RNF213: variants seen among roughly 807,000 people sequenced by gnomAD.
RNF213 encodes ring finger protein 213, also known as E3 ubiquitin-protein ligase RNF213.
Under a neutral mutation model 514.4 loss-of-function variants are expected in RNF213, and 341 were observed. The observed-to-expected ratio is 0.66, with a 90% CI of 0.61 to 0.73. The LOEUF (loss-of-function observed/expected upper bound fraction) is 0.73, where lower values mean the gene tolerates loss of function less well. Among genes scored for constraint, RNF213 ranks in the 30% least tolerant of loss-of-function variants. The probability of loss-of-function intolerance (pLI) is 0.00; values close to 1 mark genes in which losing one functional copy is unlikely to be tolerated. For synonymous variants in RNF213, 2,655 were observed against 2,658.2 expected, an observed-to-expected ratio of 1.00 and a Z score of 0.04; for missense variants, 5,767 against 6,615.6, an observed-to-expected ratio of 0.87 and a Z score of 4.45.
At chr17:80,282,279 G>T (rs1332473611) in intron 3 of RNF213, among the ~76,000 whole-genome samples, 1 of 152,158 alleles carries the variant, frequency 6.6e-6, no homozygotes, top group Non-Finnish European at 1.5e-5. Context: ...TGTTATTGTT[G>T]TCTCGTTATT....
At chr17:80,262,949 C>G (rs1490680692) in intron 1 of RNF213, among the ~76,000 whole-genome samples, 1 of 152,174 alleles carries the variant, frequency 6.6e-6, no homozygotes, top group Non-Finnish European at 1.5e-5. Flanking sequence ...GGTGGGTGGG[C>G]CAGTGTGCCC....
chr17:80,344,603 G>A lies in RNF213; in HGVS notation c.6343-75G>A, dbSNP rs577907317. ...TAAAGGTCCATCCAATATAGATAAC[G>A]TGGAGGGTTAAGACACAAAAGCATT... is the stretch of plus-strand genomic sequence containing the variant. On this transcript the variant is annotated intron_variant, in intron 28 of 67. Coordinates refer to ENST00000582970, the MANE Select transcript of RNF213 (RefSeq NM_001256071.3). 36 of 1,517,998 alleles carry A rather than the reference G, an allele frequency of 2.4e-5. No individual in the cohort carries two copies. The East Asian group carries it at 6.3e-4, about 27-fold the overall frequency. The allele number at this position is 1,517,998 out of a possible 1,614,324, so 94.0% of individuals were successfully genotyped here.
Position 80,396,729 on chromosome 17 carries a change from C to CG in RNF213, c.*3231_*3232insG, listed in dbSNP as rs1568183090. The CG allele has an allele frequency of 3.6e-5, 1 of 27,508 alleles. No homozygotes were observed. Among genetic ancestry groups the CG allele is most frequent in the Non-Finnish European group, 8.3e-5 (1 of 12,046 alleles). The allele number at this position is 27,508 out of a possible 1,614,324, so 1.7% of individuals were successfully genotyped here. A position where few individuals can be genotyped will look rare whatever the true frequency, so the allele number is the denominator to read the frequency against. ...ACAAGCGCCAGGAAAGTGCATTTCCCCCCCACCCCCCCCCCCCAACCAGAG... is the reference window on the plus strand; with the variant it reads ...ACAAGCGCCAGGAAAGTGCATTTCCCGCCCCACCCCCCCCCCCCAACCAGAG... On this transcript the variant is annotated 3_prime_UTR_variant, in exon 68 of 68. Coordinates refer to ENST00000582970, the MANE Select transcript of RNF213 (RefSeq NM_001256071.3).
rs60373273 is a variant in RNF213 at position 80,307,858 on chromosome 17, T to G, written c.2501+657T>G. Among the ~76,000 whole-genome samples the G allele has an allele frequency of 6.5e-4, 48 of 74,230 alleles. 1 individual carries two copies. The highest frequency in any genetic ancestry group is 9.7e-4 in the African/African-American group (10 of 10,344). 48.7% of individuals were successfully genotyped at this position (74,230 alleles called of 152,430 possible). On this transcript the variant is annotated intron_variant, in intron 13 of 67. Transcript: ENST00000582970. ...AGCCACCATGCCTGGCCGTCTGTTT[T>G]TTTTTTTTTTTTTTTTTTAAAGGGA... is the stretch of plus-strand genomic sequence containing the variant.
intron 3 of RNF213, among the ~76,000 whole-genome samples, chr17:80,281,491 TACAC>T (rs1568006479): frequency 1.3e-4 from 2 of 15,474 alleles, no homozygotes; most frequent in Non-Finnish European, 1.3e-4. Flanking sequence ...CCAACATACA[TACAC>T]CCCACTCACA....
rs2079792335 is a variant in RNF213 at position 80,377,112 on chromosome 17, G to A, written c.13510+149G>A. 8 of 681,518 alleles carry A rather than the reference G, an allele frequency of 1.2e-5. No individual in the cohort carries two copies. The highest frequency in any genetic ancestry group is 8.4e-5 in the Admixed American group (4 of 47,810). 42.2% of individuals were successfully genotyped at this position (681,518 alleles called of 1,614,324 possible). On this transcript the variant is annotated intron_variant, in intron 53 of 67. Coordinates refer to ENST00000582970, the MANE Select transcript of RNF213 (RefSeq NM_001256071.3). The surrounding 1 kb of genome is among the most constrained non-coding windows in gnomAD (Gnocchi z 4.1). Reference sequence around the variant, plus strand: ...CATTCTACCGGTGGCGTCTGCAGAAGACGAATGGCTTGAAGGAGCTGGCAC... The same window carrying A: ...CATTCTACCGGTGGCGTCTGCAGAAAACGAATGGCTTGAAGGAGCTGGCAC...
chr17:80,374,680 T>C, intron 50 of RNF213, 91 bp downstream of exon 50: 1 of 1,478,386 alleles, frequency 6.8e-7, no homozygotes, highest in Non-Finnish European at 9.3e-7. Context: ...TGCAGGGTGA[T>C]GGACCACTGA....
At position 80,385,207 on chromosome 17, in the gene RNF213, G is replaced by C. The variant is rs75053281; in HGVS notation, c.14455+36G>C. Reference sequence around the variant, plus strand: ...GCTCTGACAGGACCAGGACTGTCCCGCATTTGGCGGTTCGAAAGGATCACT... The same window carrying C: ...GCTCTGACAGGACCAGGACTGTCCCCCATTTGGCGGTTCGAAAGGATCACT... On this transcript the variant is annotated intron_variant, in intron 60 of 67. Coordinates refer to ENST00000582970, the MANE Select transcript of RNF213 (RefSeq NM_001256071.3). 4,799 of 1,613,282 alleles carry C rather than the reference G, an allele frequency of 3.0e-3. 131 individuals carry two copies. The African/African-American group carries it at 0.055, about 19-fold the overall frequency.
chr17:80,363,293 T>C lies in RNF213; in HGVS notation c.11547T>C (p.His3849=), dbSNP rs1243665268. ...GCCTGATGGAAGCCCGTTGGAACCA[T>C]GAGCTGGCTGGATGTGAGATGGTAT... ...LHSLMEARWN[H]ELAGCEMTLD... The change falls in exon 40 of 68, where the codon CAT becomes CAC. Residue 3849 remains histidine, a synonymous_variant. Coordinates refer to ENST00000582970, the MANE Select transcript of RNF213 (RefSeq NM_001256071.3). 6 of 1,613,742 alleles carry C rather than the reference T, an allele frequency of 3.7e-6. No individual in the cohort carries two copies. The highest frequency in any genetic ancestry group is 1.7e-5 in the Admixed American group (1 of 60,022).
intron 51 of RNF213, 133 bp from the exon 52 acceptor site, chr17:80,376,168 T>G: frequency 9.6e-7 from 1 of 1,039,602 alleles, no homozygotes. Flanking sequence ...TCTGAAAAAT[T>G]TCCCCCTCAA....
chr17:80,312,927 G>A (rs1161378896), intron 14 of RNF213, 85 bp from the exon 15 acceptor site: 7 of 1,498,134 alleles, frequency 4.7e-6, no homozygotes, highest in Middle Eastern at 3.9e-4. Flanking sequence ...GTGCCAGCAG[G>A]GAGGAGAGGA....
intron 11 of RNF213, chr17:80,298,889 G>A: frequency 6.8e-6 from 2 of 295,050 alleles, no homozygotes; most frequent in Admixed American, 4.8e-5. Flanking sequence ...TGAGGTAGGA[G>A]AATCACTAGA....
intron 3 of RNF213, among the ~76,000 whole-genome samples, chr17:80,274,517 C>G (rs75142558): frequency 0.028 from 3,623 of 129,300 alleles, 89 homozygotes; most frequent in East Asian, 0.11. Flanking sequence ...TTCTGTCTGT[C>G]GTTCCTTGTA....
At chr17:80,273,089 C>A in intron 2 of RNF213, 152 bp from the exon 3 acceptor site, 1 of 1,001,238 alleles carries the variant, frequency 1.0e-6, no homozygotes, top group Non-Finnish European at 1.5e-6. Context: ...GGAGCAGAAC[C>A]CCTACCCTGC....
At position 80,361,852 on chromosome 17, in the gene RNF213, C is replaced by G; in HGVS notation, c.11319C>G (p.Leu3773=). 6.2e-7 allele frequency: 1 copy of G among 1,613,802 alleles called. No individual in the cohort carries two copies. Among genetic ancestry groups the G allele is most frequent in the South Asian group, 1.1e-5 (1 of 91,046 alleles). Reference sequence around the variant, plus strand: ...AGTGTTACTTGAAGGATTTCATTCTCTTGACCATGCGTGTGTCAACGGAGG... The same window carrying G: ...AGTGTTACTTGAAGGATTTCATTCTGTTGACCATGCGTGTGTCAACGGAGG... ...LLQCYLKDFI[L]LTMRVSTEEE... The change falls in exon 39 of 68, where the codon CTC becomes CTG. Residue 3773 remains leucine (L), a synonymous_variant. Transcript: ENST00000582970.
At chr17:80,282,247 C>T (rs1253659910) in intron 3 of RNF213, among the ~76,000 whole-genome samples, 1 of 152,110 alleles carries the variant, frequency 6.6e-6, no homozygotes, top group African/African-American at 2.4e-5. Flanking sequence ...CTACACGGTG[C>T]GGTGTTGCTC....
intron 23 of RNF213, 38 bp from the exon 24 acceptor site, chr17:80,337,548 C>G (rs1418558900): frequency 1.3e-6 from 2 of 1,533,148 alleles, no homozygotes; most frequent in Non-Finnish European, 1.7e-6. Flanking sequence ...GATCCTCGCT[C>G]CAACCGTGGC....
chr17:80,334,354 A>G (rs1368847363), intron 22 of RNF213, 84 bp downstream of exon 22: 4 of 1,406,794 alleles, frequency 2.8e-6, no homozygotes, highest in Non-Finnish European at 3.8e-6. Flanking sequence ...ACTCTTTGGC[A>G]ATACCTCCCC....
chr17:80,298,612 A>C, intron 11 of RNF213, 94 bp downstream of exon 11: 1 of 1,268,342 alleles, frequency 7.9e-7, no homozygotes, highest in Admixed American at 1.8e-5. Flanking sequence ...CAGTGACTCC[A>C]TTCCTGATTC....
Sources: allele counts gnomAD v4.1 joint callset (sites outside exome capture counted in the v4.1 genomes callset), GRCh38; gene constraint gnomAD v4.1.1; non-coding constraint Gnocchi (gnomAD v3.1); transcripts MANE v1.5; gene names NCBI Gene and HGNC (gene_info 2026-07-23, HGNC 2026-07-21).